The following PLOD1 variants were observed in gnomAD, a reference collection of about 807,000 sequenced individuals.
The protein encoded by PLOD1 is procollagen-lysine,2-oxoglutarate 5-dioxygenase 1.
In PLOD1, 70 loss-of-function variants were observed where a neutral mutation model predicts 94.7. The ratio of observed to expected loss-of-function variants is 0.74; its 90% CI spans 0.61 to 0.90. The LOEUF (loss-of-function observed/expected upper bound fraction) is 0.90. PLOD1 is among the 40% of genes least tolerant of loss of function. The pLI, the probability that PLOD1 is intolerant of heterozygous loss-of-function variation, is 0.00. For synonymous variants in PLOD1, 417 were observed against 400.2 expected (o/e 1.04, Z -0.50); for missense variants, 905 against 972.7 (o/e 0.93, Z 0.93).
chr1:11,970,668 A>C lies in PLOD1; in HGVS notation c.1756-2A>C, dbSNP rs763556641. On this transcript the variant is annotated splice_acceptor_variant, in intron 16 of 18. Coordinates refer to ENST00000196061, the MANE Select transcript of PLOD1 (RefSeq NM_000302.4). LOFTEE classifies it high-confidence loss of function. Reference sequence around the variant, plus strand: ...CTAAACATTCACCTCGGTCACCTCCAGGACAACCGCATCCAGGGTGGCTAC... The same window carrying C: ...CTAAACATTCACCTCGGTCACCTCCCGGACAACCGCATCCAGGGTGGCTAC... 6.2e-7 allele frequency: 1 copy of C among 1,613,108 alleles called. No individual in the cohort carries two copies. The highest frequency in any genetic ancestry group is 2.2e-5 in the East Asian group (1 of 44,748).
intron 5 of PLOD1, 42 bp from the exon 6 acceptor site, chr1:11,954,788 A>G (rs977092079): frequency 7.4e-6 from 11 of 1,484,528 alleles, no homozygotes; most frequent in Non-Finnish European, 1.0e-5. Flanking sequence ...AGCCTCCCCC[A>G]GGGCCTGTCC....
chr1:11,958,596 C>T lies in PLOD1; in HGVS notation c.924C>T (p.Leu308=). The change falls in exon 9 of 19, where the codon CTC becomes CTT. Residue 308 remains leucine (L), a synonymous_variant. Transcript: ENST00000196061. The surrounding 1 kb of genome is among the most constrained non-coding windows in gnomAD (Gnocchi z 4.3). ...TPFVSLFFQR[L]LRLHYPQKHM... is the part of the protein sequence containing the mutation. The stretch of plus-strand genomic sequence containing the variant: ...TTGTGTCCCTGTTCTTCCAGCGGCT[C>T]CTGCGGCTCCACTACCCCCAGAAAC... 6.2e-7 allele frequency: 1 copy of T among 1,614,160 alleles called. No homozygotes were observed. The highest frequency in any genetic ancestry group is 8.5e-7 in the Non-Finnish European group (1 of 1,180,030).
At chr1:11,966,957 C>T in intron 15 of PLOD1, 30 bp from the exon 16 acceptor site, 1 of 1,332,948 alleles carries the variant, frequency 7.5e-7, no homozygotes, top group East Asian at 2.3e-5. Context: ...CCACTGTGGA[C>T]CCCCTTGACT....
chr1:11,941,628 T>C (rs905359739), intron 1 of PLOD1, among the ~76,000 whole-genome samples: 1 of 152,068 alleles, frequency 6.6e-6, no homozygotes, highest in African/African-American at 2.4e-5. Flanking sequence ...TATAGGCGCC[T>C]GCCACCATGC....
intron 15 of PLOD1, 63 bp from the exon 16 acceptor site, chr1:11,966,924 A>G: frequency 9.7e-7 from 1 of 1,028,556 alleles, no homozygotes; most frequent in Non-Finnish European, 1.6e-6. Context: ...GTGGCCCTGA[A>G]GAGGAAGGAG....
intron 1 of PLOD1, chr1:11,944,470 C>CA (rs1645636334): frequency 1.6e-6 from 2 of 1,267,472 alleles, no homozygotes; most frequent in Non-Finnish European, 2.1e-6. Context: ...CACATGCTCT[C>CA]ACGCTGGCTT....
Sources: gnomAD v4.1 joint callset for allele counts (sites outside exome capture counted in the v4.1 genomes callset) on GRCh38, gnomAD v4.1.1 for gene constraint, Gnocchi (gnomAD v3.1) non-coding constraint, MANE v1.5 for transcripts, NCBI Gene and HGNC (gene_info 2026-07-23, HGNC 2026-07-21) for gene names.